ANKRD44: variants seen among roughly 807,000 people sequenced by gnomAD.
ANKRD44 encodes serine/threonine-protein phosphatase 6 regulatory ankyrin repeat subunit B.
ANKRD44 carries 35 observed loss-of-function variants against 116.0 expected under a neutral mutation model. The ratio of observed to expected loss-of-function variants is 0.30; its 90% CI spans 0.23 to 0.40. ANKRD44 has a LOEUF of 0.40. Ranked by LOEUF, ANKRD44 falls within the 10% of genes least tolerant of loss-of-function variation. ANKRD44 has a pLI of 1.00. For missense variants in ANKRD44, 1,014 were observed against 1,242.6 expected (o/e 0.82, Z 2.77); for synonymous variants, 435 against 461.8 (o/e 0.94, Z 0.74).
At chr2:197,250,858 T>G (rs1410300405) in intron 1 of ANKRD44, 1 of 152,154 alleles carries the variant, frequency 6.6e-6, no homozygotes, top group East Asian at 1.9e-4. Flanking sequence ...AAAAGACAGG[T>G]GACAAAGGCT....
chr2:196,995,337 TA>T (rs1559402102), intron 26 of ANKRD44, 41 bp downstream of exon 26: 1 of 1,430,906 alleles, frequency 7.0e-7, no homozygotes, highest in South Asian at 1.2e-5. Flanking sequence ...AATAAATGAC[TA>T]TGACCCTGGG....
chr2:197,159,969 A>G (rs576512608), intron 2 of ANKRD44, among the ~76,000 whole-genome samples: 1 of 152,302 alleles, frequency 6.6e-6, no homozygotes, highest in East Asian at 1.9e-4. Flanking sequence ...TCCTCACAGC[A>G]TTTTGGAGGC....
At chr2:197,020,832 G>A (rs1420182490) in intron 17 of ANKRD44, among the ~76,000 whole-genome samples, 1 of 140,208 alleles carries the variant, frequency 7.1e-6, no homozygotes, top group Non-Finnish European at 1.5e-5. Context: ...AAGTTCTAGG[G>A]TACATGTGCA....
At chr2:197,046,240 T>A (rs531070557) in intron 16 of ANKRD44, among the ~76,000 whole-genome samples, 98 of 152,294 alleles carry the variant, frequency 6.4e-4, no homozygotes, top group African/African-American at 2.2e-3. Flanking sequence ...GCTATAAACA[T>A]TTGTGTGGCT....
intron 16 of ANKRD44, among the ~76,000 whole-genome samples, chr2:197,045,160 T>G (rs1323344633): frequency 1.3e-5 from 2 of 152,062 alleles, no homozygotes; most frequent in African/African-American, 2.4e-5. Context: ...TGTCCTATGA[T>G]ACTTTCATGG....
At position 197,243,151 on chromosome 2, in the gene ANKRD44, A is replaced by C. The variant is rs545516515; in HGVS notation, c.28-56045T>G. Among the ~76,000 whole-genome samples the C allele has an allele frequency of 4.6e-5, 7 of 152,318 alleles. No homozygotes were observed. The East Asian group carries it at 1.3e-3, about 29-fold the overall frequency. The stretch of plus-strand genomic sequence containing the variant: ...ATTAGAAAAGCTCTTTATTTAGAGG[A>C]GTTTCCATGAATCAAATCAAAACAA... On this transcript the variant is annotated intron_variant, in intron 1 of 27. Coordinates refer to ENST00000282272, the MANE Select transcript of ANKRD44 (RefSeq NM_001195144.2).
rs1319222618 is a variant in ANKRD44 at position 197,086,758 on chromosome 2, C to T, written c.1248-10G>A. On this transcript the variant is annotated splice_polypyrimidine_tract_variant and intron_variant, in intron 12 of 27. Transcript: ENST00000282272. ...TATACATTCCACATTACTAGAAAGA[C>T]AGGGAAAACATCATTAAGATGGAAG... 7 of 1,612,826 alleles carry T rather than the reference C, an allele frequency of 4.3e-6. No homozygotes were observed. The East Asian group carries it at 1.3e-4, about 31-fold the overall frequency.
intron 17 of ANKRD44, among the ~76,000 whole-genome samples, chr2:197,016,420 C>A (rs892725041): frequency 1.7e-5 from 1 of 57,654 alleles, no homozygotes. Context: ...CATTTTTCTA[C>A]ATTTTAATAC....
At chr2:197,215,651 T>A (rs185546620) in intron 1 of ANKRD44, among the ~76,000 whole-genome samples, 12 of 152,316 alleles carry the variant, frequency 7.9e-5, no homozygotes, top group Admixed American at 2.0e-4. Flanking sequence ...GTGTTCTTGA[T>A]CGACCGAGTA....
chr2:197,041,395 C>T (rs963294290), intron 16 of ANKRD44, among the ~76,000 whole-genome samples: 6 of 152,150 alleles, frequency 3.9e-5, no homozygotes, highest in Admixed American at 6.6e-5. Context: ...CACAGGCTCC[C>T]GCTTCCTGGG....
At chr2:196,989,782 A>T in intron 27 of ANKRD44, 133 bp from the exon 28 acceptor site, 1 of 1,473,538 alleles carries the variant, frequency 6.8e-7, no homozygotes, top group South Asian at 1.3e-5. Flanking sequence ...TTGCAGTCAC[A>T]CTTTTCACTG....
At chr2:197,129,456 C>T (rs760962435) in intron 4 of ANKRD44, among the ~76,000 whole-genome samples, 31 of 152,206 alleles carry the variant, frequency 2.0e-4, no homozygotes, top group Middle Eastern at 6.8e-3. Flanking sequence ...TCTTAATGAA[C>T]GAACACCTGT....
At chr2:197,126,861 C>G (rs1239765964) in intron 4 of ANKRD44, among the ~76,000 whole-genome samples, 2 of 143,106 alleles carry the variant, frequency 1.4e-5, no homozygotes, top group Non-Finnish European at 1.5e-5. Flanking sequence ...GTGGACCTCT[C>G]TAAATCCTAG....
chr2:197,144,838 AAAG>A (rs2079456218), intron 3 of ANKRD44, among the ~76,000 whole-genome samples: 1 of 152,224 alleles, frequency 6.6e-6, no homozygotes, highest in Non-Finnish European at 1.5e-5. Context: ...ACAAGAAAAA[AAAG>A]AGACTGGTTG....
intron 2 of ANKRD44, among the ~76,000 whole-genome samples, chr2:197,153,978 A>ACATGTCTGTCTGTGCG (rs2079733356): frequency 2.0e-5 from 3 of 152,252 alleles, no homozygotes; most frequent in African/African-American, 7.2e-5. Flanking sequence ...CTGTCTGTGC[A>ACATGTCTGTCTGTGCG]TACATGTGAG....
At chr2:197,228,903 T>C (rs2697313) in intron 1 of ANKRD44, among the ~76,000 whole-genome samples, 92,949 of 152,040 alleles carry the variant, frequency 0.61, 30,363 homozygotes, top group African/African-American at 0.86. Flanking sequence ...GGCATGGTGG[T>C]GCATGCCTGT....
chr2:196,981,056 C>T (rs2075798114), intron 21 of ANKRD44, among the ~76,000 whole-genome samples: 1 of 152,046 alleles, frequency 6.6e-6, no homozygotes, highest in Non-Finnish European at 1.5e-5. Flanking sequence ...ATGGTTATAT[C>T]CTTTGCTTTG....
chr2:197,147,137 G>A (rs1187410910), intron 2 of ANKRD44, 32 bp from the exon 3 acceptor site: 3 of 1,597,644 alleles, frequency 1.9e-6, no homozygotes, highest in Admixed American at 1.7e-5. Flanking sequence ...ACATACAACA[G>A]GTCAGTGGCA....
intron 1 of ANKRD44, among the ~76,000 whole-genome samples, chr2:197,305,527 TACAA>T (rs2084042253): frequency 6.6e-6 from 1 of 152,222 alleles, no homozygotes; most frequent in Admixed American, 6.5e-5. Context: ...CTGTTTCTGG[TACAA>T]ACAATTTGTG....
Sources: allele counts gnomAD v4.1 joint callset (sites outside exome capture counted in the v4.1 genomes callset), GRCh38; gene constraint gnomAD v4.1.1; transcripts MANE v1.5; gene names NCBI Gene and HGNC (gene_info 2026-07-23, HGNC 2026-07-21).